Variants in RARB observed in about 807,000 individuals in gnomAD.
RARB encodes retinoic acid receptor beta, also known as HBV-activated protein.
In RARB, 17 loss-of-function variants were observed where a neutral mutation model predicts 51.9. The observed-to-expected ratio is 0.33, with a 90% CI of 0.22 to 0.49. The LOEUF (loss-of-function observed/expected upper bound fraction) is 0.49. Ranked by LOEUF, RARB falls within the 20% of genes least tolerant of loss-of-function variation. The pLI is 0.99. For synonymous variants in RARB, 215 were observed against 195.4 expected (o/e 1.10, Z -0.84); for missense variants, 369 against 550.8 (o/e 0.67, Z 3.30).
At chr3:24,932,538 A>G (rs1247268290) in intron 2 of RARB, among the ~76,000 whole-genome samples, 2 of 151,888 alleles carry the variant, frequency 1.3e-5, no homozygotes, top group African/African-American at 2.4e-5. Context: ...ATGCATTTTT[A>G]CACACATACC....
At chr3:25,084,958 A>G (rs1415282647) in intron 3 of RARB, among the ~76,000 whole-genome samples, 2 of 152,166 alleles carry the variant, frequency 1.3e-5, no homozygotes, top group African/African-American at 4.8e-5. Context: ...TTTTTATGCA[A>G]TGAGCATGAC....
chr3:25,490,871 C>G (rs1696698752), intron 2 of RARB, among the ~76,000 whole-genome samples: 2 of 152,096 alleles, frequency 1.3e-5, no homozygotes, highest in Admixed American at 6.6e-5. Flanking sequence ...TTAGTTGGTT[C>G]AAATTCTCAG....
At chr3:24,942,421 G>A (rs1229053041) in intron 2 of RARB, among the ~76,000 whole-genome samples, 1 of 152,140 alleles carries the variant, frequency 6.6e-6, no homozygotes, top group Non-Finnish European at 1.5e-5. Context: ...ATCTGAAGAG[G>A]TGGCTTGGGA....
rs184154374 is a variant in RARB, at chr3:25,413,115, C to T, written c.179-48078C>T. On this transcript the variant is annotated intron_variant, in intron 5 of 11. Transcript: ENST00000383772. ...TTTTTAAATCCTGACTAAAACATAA[C>T]CAGTATCCTCACTTCTAACAACATA... 1.3e-3 allele frequency among the ~76,000 whole-genome samples: 197 copies of T among 152,024 alleles called. 1 individual carries two copies. Among genetic ancestry groups the T allele is most frequent in the African/African-American group, 4.6e-3 (192 of 41,482 alleles).
At chr3:25,436,110 C>CT (rs1253311204) in intron 1 of RARB, among the ~76,000 whole-genome samples, 1 of 152,154 alleles carries the variant, frequency 6.6e-6, no homozygotes, top group African/African-American at 2.4e-5. Context: ...GTTTCATATG[C>CT]TTTTTTATGG....
At chr3:25,119,104 T>C (rs1486673894) in intron 3 of RARB, among the ~76,000 whole-genome samples, 1 of 152,184 alleles carries the variant, frequency 6.6e-6, no homozygotes, top group South Asian at 2.1e-4. Context: ...ATTTTTTCAT[T>C]ACAAAGCAAG....
intron 2 of RARB, among the ~76,000 whole-genome samples, chr3:25,464,250 A>G (rs1016810406): frequency 6.6e-6 from 1 of 152,138 alleles, no homozygotes; most frequent in Non-Finnish European, 1.5e-5. Context: ...CTGCATATGA[A>G]GCTGTTTCAT....
chr3:25,384,064 G>A (rs1706715748), intron 5 of RARB, among the ~76,000 whole-genome samples: 1 of 152,082 alleles, frequency 6.6e-6, no homozygotes, highest in Non-Finnish European at 1.5e-5. Context: ...GAAAAAAACA[G>A]AAACATAATT....
intron 5 of RARB, among the ~76,000 whole-genome samples, chr3:25,390,393 A>C (rs977285610): frequency 2.6e-5 from 4 of 152,188 alleles, no homozygotes; most frequent in Non-Finnish European, 5.9e-5. Context: ...TGGATCTGCC[A>C]ACACCTTGAT....
At chr3:24,962,165 G>C (rs936765613) in intron 2 of RARB, among the ~76,000 whole-genome samples, 42 of 151,648 alleles carry the variant, frequency 2.8e-4, no homozygotes, top group African/African-American at 9.9e-4. Context: ...TCCTGACCTC[G>C]TGATCTGCCT....
chr3:25,078,534 A>ATTTTT (rs56349106), intron 3 of RARB, among the ~76,000 whole-genome samples: 6 of 141,292 alleles, frequency 4.2e-5, no homozygotes, highest in Non-Finnish European at 6.0e-5. Flanking sequence ...CCAACTTTCT[A>ATTTTT]TTTTTTTTTT....
rs567315443 is a variant in RARB, at chr3:25,193,557, A to G, written c.178+18982A>G. ...GCTTGTCAGCATCTCATTCTAAGCA[A>G]TAAACTTGTCATAAAAAATAGTAGA... On this transcript the variant is annotated intron_variant, in intron 5 of 11. Transcript: ENST00000383772. Among the ~76,000 whole-genome samples, 3 of 152,180 alleles carry G rather than the reference A, an allele frequency of 2.0e-5. No individual in the cohort carries two copies. The South Asian group carries it at 6.2e-4, about 31-fold the overall frequency.
intron 6 of RARB, 63 bp from the exon 7 acceptor site, chr3:25,594,457 C>A: frequency 1.4e-6 from 2 of 1,470,998 alleles, no homozygotes; most frequent in East Asian, 2.3e-5. Flanking sequence ...AATAAGGAAA[C>A]AAGGAAGAGG....
chr3:24,922,248 G>A (rs143068652), intron 2 of RARB, among the ~76,000 whole-genome samples: 14 of 152,302 alleles, frequency 9.2e-5, no homozygotes, highest in Non-Finnish European at 1.2e-4. Flanking sequence ...GTTGAATGAG[G>A]TAATGTTTGT....
rs139752365 is a variant in RARB, at chr3:25,068,536, C to G, written c.-328+8360C>G. 2.3e-3 allele frequency among the ~76,000 whole-genome samples: 350 copies of G among 152,254 alleles called. 1 individual carries two copies. Among genetic ancestry groups the G allele is most frequent in the Middle Eastern group, 3.4e-3 (1 of 294 alleles). ...ACACATTCTGTGAGTCTGGTAACTA[C>G]TGTTCTGGTTAATGACATCAAGAAA... is the stretch of plus-strand genomic sequence containing the variant. On this transcript the variant is annotated intron_variant, in intron 3 of 11. Transcript: ENST00000383772.
chr3:25,569,825 A>G lies in RARB; in HGVS notation c.516A>G (p.Glu172=), dbSNP rs768100812. The change falls in exon 4 of 8, where the codon GAA becomes GAG. Residue 172 remains glutamate, a synonymous_variant. Transcript: ENST00000330688. The stretch of plus-strand genomic sequence containing the variant: ...AGCAAGAATGCACAGAGAGCTATGA[A>G]ATGACAGCTGAGTTGGACGATCTCA... ...TSKQECTESY[E]MTAELDDLTE... is the part of the protein sequence containing the mutation. The G allele has an allele frequency of 3.1e-6, 5 of 1,614,098 alleles. No individual in the cohort carries two copies. Among genetic ancestry groups the G allele is most frequent in the Non-Finnish European group, 4.2e-6 (5 of 1,180,020 alleles).
intron 2 of RARB, among the ~76,000 whole-genome samples, chr3:25,003,466 A>G (rs1453503382): frequency 6.6e-6 from 1 of 152,126 alleles, no homozygotes; most frequent in Non-Finnish European, 1.5e-5. Context: ...TTTGTCAGAT[A>G]TATCTTAGTA....
At chr3:25,320,038 T>TTTC (rs1023297557) in intron 5 of RARB, among the ~76,000 whole-genome samples, 1 of 151,558 alleles carries the variant, frequency 6.6e-6, no homozygotes, top group African/African-American at 2.4e-5. Flanking sequence ...CTTTTTTTTT[T>TTTC]TTTTGCTAAT....
At chr3:25,151,274 T>C (rs1296463567) in intron 4 of RARB, among the ~76,000 whole-genome samples, 3 of 151,696 alleles carry the variant, frequency 2.0e-5, no homozygotes, top group Admixed American at 6.5e-5. Flanking sequence ...TGCACAATTA[T>C]TTGGTTTTGC....
Sources: allele counts gnomAD v4.1 joint callset (sites outside exome capture counted in the v4.1 genomes callset), GRCh38; gene constraint gnomAD v4.1.1; transcripts MANE v1.5; gene names NCBI Gene and HGNC (gene_info 2026-07-23, HGNC 2026-07-21).